The following EPHA6 variants were observed in gnomAD, a reference collection of about 807,000 sequenced individuals.
EPHA6 encodes the protein ephrin type-A receptor 6.
In EPHA6, 50 loss-of-function variants were observed where a neutral mutation model predicts 112.0. The observed-to-expected ratio is 0.45, with a 90% CI of 0.36 to 0.56. The LOEUF (loss-of-function observed/expected upper bound fraction) is 0.56, where lower values mean the gene tolerates loss of function less well. Among genes scored for constraint, EPHA6 ranks in the 20% least tolerant of loss-of-function variants. The pLI is 0.00. For synonymous variants in EPHA6, 529 were observed against 490.7 expected, an observed-to-expected ratio of 1.08 and a Z score of -1.03; for missense variants, 1,280 against 1,417.4, an observed-to-expected ratio of 0.90 and a Z score of 1.56.
intron 14 of EPHA6, among the ~76,000 whole-genome samples, chr3:97,647,911 A>G (rs1423132996): frequency 2.6e-5 from 4 of 152,134 alleles, no homozygotes; most frequent in Non-Finnish European, 4.4e-5. Context: ...ACCTAAAAAG[A>G]ACATTAAAAG....
At position 97,700,791 on chromosome 3, in the gene EPHA6, A is replaced by G. The variant is rs554679182; in HGVS notation, c.2785-19470A>G. Among the ~76,000 whole-genome samples the G allele has an allele frequency of 2.6e-5, 4 of 152,336 alleles. No homozygotes were observed. The South Asian group carries it at 8.3e-4, about 32-fold the overall frequency. On this transcript the variant is annotated intron_variant, in intron 14 of 17. Transcript: ENST00000389672. ...AAAATATTCAGTTCTGCATATTATA[A>G]TCTAATCACAATCAATAGATGTACA... is the stretch of plus-strand genomic sequence containing the variant.
intron 3 of EPHA6, among the ~76,000 whole-genome samples, chr3:97,137,320 T>A (rs1033362252): frequency 6.6e-6 from 1 of 152,140 alleles, no homozygotes; most frequent in African/African-American, 2.4e-5. Context: ...TGCCCCAGAT[T>A]GCTTACCACA....
chr3:96,986,901 G>A (rs1170607052), intron 2 of EPHA6, among the ~76,000 whole-genome samples: 1 of 152,144 alleles, frequency 6.6e-6, no homozygotes, highest in African/African-American at 2.4e-5. Flanking sequence ...AAGGAAAGAT[G>A]GGAAACCCTA....
intron 3 of EPHA6, among the ~76,000 whole-genome samples, chr3:97,160,410 G>C (rs746710818): frequency 2.6e-5 from 4 of 151,852 alleles, no homozygotes; most frequent in Non-Finnish European, 5.9e-5. Flanking sequence ...CCGAGTAGCT[G>C]GGATTACAGG....
intron 3 of EPHA6, among the ~76,000 whole-genome samples, chr3:97,049,195 A>G (rs991916500): frequency 1.4e-4 from 21 of 152,216 alleles, no homozygotes; most frequent in African/African-American, 4.6e-4. Flanking sequence ...TTCATGGCAC[A>G]TAAGATACAT....
At chr3:97,542,529 A>G (rs559665325) in intron 11 of EPHA6, among the ~76,000 whole-genome samples, 2 of 152,206 alleles carry the variant, frequency 1.3e-5, no homozygotes, top group African/African-American at 4.8e-5. Context: ...AGTCTTTGCT[A>G]TTGTGAATAG....
chr3:96,825,840 A>G (rs1037154217), intron 1 of EPHA6, among the ~76,000 whole-genome samples: 3 of 151,830 alleles, frequency 2.0e-5, no homozygotes, highest in African/African-American at 7.2e-5. Flanking sequence ...TAAACATTTT[A>G]TGGTCCTTCT....
intron 5 of EPHA6, among the ~76,000 whole-genome samples, chr3:97,257,940 T>G (rs534281796): frequency 6.6e-6 from 1 of 152,022 alleles, no homozygotes; most frequent in African/African-American, 2.4e-5. Flanking sequence ...CATAAGGAAA[T>G]GAATATTAAA....
chr3:97,642,644 C>G (rs2094019060), intron 14 of EPHA6, among the ~76,000 whole-genome samples: 1 of 151,974 alleles, frequency 6.6e-6, no homozygotes, highest in South Asian at 2.1e-4. Flanking sequence ...GTGAAGAATG[C>G]AGAAGTCTTA....
At chr3:96,976,840 T>C (rs2042544982) in intron 2 of EPHA6, among the ~76,000 whole-genome samples, 1 of 152,190 alleles carries the variant, frequency 6.6e-6, no homozygotes, top group African/African-American at 2.4e-5. Context: ...GCCTTAAGTC[T>C]ACTTTTAGGA....
intron 3 of EPHA6, among the ~76,000 whole-genome samples, chr3:97,140,391 A>T (rs544795719): frequency 6.6e-6 from 1 of 152,284 alleles, no homozygotes; most frequent in East Asian, 1.9e-4. Context: ...CGGTTATCAG[A>T]CTATCCAAAG....
chr3:96,909,247 G>C (rs1183815370), intron 2 of EPHA6, among the ~76,000 whole-genome samples: 1 of 151,304 alleles, frequency 6.6e-6, no homozygotes, highest in Non-Finnish European at 1.5e-5. Context: ...AAGATTATTT[G>C]GGCATACCTC....
chr3:97,741,807 A>G (rs1029047977), intron 16 of EPHA6, among the ~76,000 whole-genome samples: 3 of 152,084 alleles, frequency 2.0e-5, no homozygotes, highest in African/African-American at 7.2e-5. Flanking sequence ...TATCTGGACT[A>G]GTCAAACTTC....
At chr3:97,299,417 C>T (rs1301252510) in intron 5 of EPHA6, among the ~76,000 whole-genome samples, 2 of 152,062 alleles carry the variant, frequency 1.3e-5, no homozygotes, top group African/African-American at 4.8e-5. Context: ...TAAAGAGCAT[C>T]GCTTTGCCTA....
At chr3:96,929,155 C>T (rs547130072) in intron 2 of EPHA6, among the ~76,000 whole-genome samples, 1 of 152,304 alleles carries the variant, frequency 6.6e-6, no homozygotes, top group Admixed American at 6.5e-5. Context: ...ACAACTGGAG[C>T]TCAAGTGGTT....
chr3:97,370,498 TG>T (rs376599721), intron 5 of EPHA6, among the ~76,000 whole-genome samples: 4 of 152,226 alleles, frequency 2.6e-5, no homozygotes, highest in African/African-American at 7.2e-5. Context: ...ATACACACCA[TG>T]TCAGGTCAAA....
intron 14 of EPHA6, among the ~76,000 whole-genome samples, chr3:97,703,228 T>C (rs910956242): frequency 2.6e-5 from 4 of 152,174 alleles, no homozygotes; most frequent in African/African-American, 9.7e-5. Flanking sequence ...TGTGGACTGC[T>C]AGCAAAAGTC....
intron 10 of EPHA6, among the ~76,000 whole-genome samples, chr3:97,518,115 T>A (rs960832885): frequency 6.6e-5 from 10 of 152,142 alleles, no homozygotes; most frequent in Admixed American, 6.6e-4. Context: ...TACCCAGAAG[T>A]GGGATTGATG....
intron 2 of EPHA6, among the ~76,000 whole-genome samples, chr3:96,940,977 C>G (rs1192994773): frequency 6.6e-6 from 1 of 152,210 alleles, no homozygotes; most frequent in Non-Finnish European, 1.5e-5. Flanking sequence ...AGCTGTTAGT[C>G]TGATGGGCTT....
Sources: gnomAD v4.1 joint callset for allele counts (sites outside exome capture counted in the v4.1 genomes callset) on GRCh38, gnomAD v4.1.1 for gene constraint, MANE v1.5 for transcripts, NCBI Gene and HGNC (gene_info 2026-07-23, HGNC 2026-07-21) for gene names.